PPARGC1A: variants seen among roughly 807,000 people sequenced by gnomAD.
PPARGC1A encodes peroxisome proliferator-activated receptor gamma coactivator 1-alpha.
A neutral mutation model predicts 88.7 loss-of-function variants in PPARGC1A; 25 were observed. The ratio of observed to expected loss-of-function variants is 0.28; its 90% CI spans 0.21 to 0.39. The LOEUF (loss-of-function observed/expected upper bound fraction) is 0.39, where lower values mean the gene tolerates loss of function less well. Among genes scored for constraint, PPARGC1A ranks in the 10% least tolerant of loss-of-function variants. The probability of loss-of-function intolerance (pLI) is 1.00; values close to 1 mark genes in which losing one functional copy is unlikely to be tolerated. For synonymous variants in PPARGC1A, 363 were observed against 355.6 expected, an observed-to-expected ratio of 1.02 and a Z score of -0.24; for missense variants, 880 against 968.7, an observed-to-expected ratio of 0.91 and a Z score of 1.22.
At chr4:24,423,609 T>C in the PPARGC1A span, among the ~76,000 whole-genome samples, 1 of 152,144 alleles carries the variant, frequency 6.6e-6, no homozygotes, top group Non-Finnish European at 1.5e-5. Flanking sequence ...ATATAAAAAG[T>C]TTGAGTTGAG....
intron 2 of PPARGC1A, among the ~76,000 whole-genome samples, chr4:23,879,364 G>A (rs1715457003): frequency 6.6e-6 from 1 of 152,144 alleles, no homozygotes; most frequent in Non-Finnish European, 1.5e-5. Context: ...TTTGTGGATT[G>A]GGTTAAATAT....
At chr4:23,947,707 A>G in the PPARGC1A span, among the ~76,000 whole-genome samples, 3 of 152,042 alleles carry the variant, frequency 2.0e-5, no homozygotes, top group Admixed American at 6.6e-5. Context: ...ATGCTTCTCC[A>G]TGCCCAACAC....
the PPARGC1A span, among the ~76,000 whole-genome samples, chr4:24,470,497 CG>C: frequency 3.3e-5 from 5 of 152,086 alleles, no homozygotes; most frequent in Non-Finnish European, 7.4e-5. This position sits in a 1 kb window ranked among gnomAD's most constrained non-coding sequence, Gnocchi z 5.8. Context: ...GCGCCGGCCA[CG>C]GGCAGCCGGG....
At chr4:24,248,222 T>C in the PPARGC1A span, among the ~76,000 whole-genome samples, 1 of 152,144 alleles carries the variant, frequency 6.6e-6, no homozygotes, top group Admixed American at 6.5e-5. Flanking sequence ...CCTCCCGGGT[T>C]CACGCCATTC....
the PPARGC1A span, among the ~76,000 whole-genome samples, chr4:24,168,624 CACAA>C: frequency 4.0e-5 from 6 of 148,756 alleles, no homozygotes; most frequent in African/African-American, 1.3e-4. Context: ...CACACACACA[CACAA>C]ACACACAGAC....
chr4:24,014,183 C>T, the PPARGC1A span, among the ~76,000 whole-genome samples: 1 of 152,114 alleles, frequency 6.6e-6, no homozygotes, highest in Non-Finnish European at 1.5e-5. Flanking sequence ...TAAAGCAATA[C>T]AAATAAAGCT....
At chr4:23,841,184 G>A (rs1040438523) in intron 2 of PPARGC1A, among the ~76,000 whole-genome samples, 3 of 152,054 alleles carry the variant, frequency 2.0e-5, no homozygotes, top group South Asian at 4.1e-4. Context: ...AGATGCTTTC[G>A]TGAAGAGATA....
At chr4:23,904,053 T>C (rs1431784620), upstream of PPARGC1A, 1 of 983,084 alleles carries the variant, frequency 1.0e-6, no homozygotes, top group Non-Finnish European at 1.2e-6. Flanking sequence ...TTTACTGCAG[T>C]GCAAATACTG....
the PPARGC1A span, among the ~76,000 whole-genome samples, chr4:24,089,889 C>A: frequency 6.6e-6 from 1 of 152,090 alleles, no homozygotes; most frequent in Non-Finnish European, 1.5e-5. Flanking sequence ...TGACAGGGGT[C>A]GATCAGCTGT....
At chr4:23,890,705 T>A (rs1717725025), upstream of PPARGC1A, among the ~76,000 whole-genome samples, 1 of 146,946 alleles carries the variant, frequency 6.8e-6, no homozygotes, top group East Asian at 2.1e-4. Context: ...GCTGCCCCCA[T>A]GGCAGTAGGG....
the PPARGC1A span, among the ~76,000 whole-genome samples, chr4:24,450,838 G>GT: frequency 6.6e-6 from 1 of 152,162 alleles, no homozygotes; most frequent in African/African-American, 2.4e-5. Flanking sequence ...CTTTATACAT[G>GT]TTTTCAAGGC....
chr4:23,910,153 A>G, the PPARGC1A span, among the ~76,000 whole-genome samples: 1 of 124,276 alleles, frequency 8.0e-6, no homozygotes, highest in African/African-American at 3.0e-5. Context: ...TATATTATAT[A>G]TAATATAAAT....
the PPARGC1A span, among the ~76,000 whole-genome samples, chr4:24,274,763 G>A: frequency 6.6e-6 from 1 of 152,102 alleles, no homozygotes; most frequent in African/African-American, 2.4e-5. Context: ...TTGCTACCCA[G>A]TTGCTCCCTT....
At chr4:23,910,341 TTA>T in the PPARGC1A span, among the ~76,000 whole-genome samples, 1 of 60,608 alleles carries the variant, frequency 1.6e-5, no homozygotes, top group Non-Finnish European at 2.7e-5. Context: ...ATTATATATA[TTA>T]TATATTATAT....
chr4:24,468,206 C>T, the PPARGC1A span, among the ~76,000 whole-genome samples: 1 of 152,058 alleles, frequency 6.6e-6, no homozygotes, highest in Non-Finnish European at 1.5e-5. Flanking sequence ...GACAGGAAGC[C>T]GAAACAACTA....
chr4:24,018,073 C>G, the PPARGC1A span, among the ~76,000 whole-genome samples: 6 of 152,094 alleles, frequency 3.9e-5, no homozygotes, highest in Admixed American at 2.6e-4. Flanking sequence ...GATAAATCTC[C>G]ATTTGTGAAA....
the PPARGC1A span, among the ~76,000 whole-genome samples, chr4:24,069,345 G>T: frequency 2.9e-3 from 444 of 152,276 alleles, 4 homozygotes; most frequent in African/African-American, 0.01. Flanking sequence ...TTGCACTCAA[G>T]AAATAATAAT....
chr4:24,417,161 T>C, the PPARGC1A span, among the ~76,000 whole-genome samples: 4 of 151,168 alleles, frequency 2.6e-5, no homozygotes, highest in Non-Finnish European at 4.4e-5. Flanking sequence ...GAAAGGAAGA[T>C]CAGAGAAGCA....
the PPARGC1A span, among the ~76,000 whole-genome samples, chr4:23,954,193 T>G: frequency 6.6e-6 from 1 of 152,032 alleles, no homozygotes; most frequent in African/African-American, 2.4e-5. Flanking sequence ...GAGATCTTCA[T>G]AGCAAATTCA....
Sources: allele counts gnomAD v4.1 joint callset (sites outside exome capture counted in the v4.1 genomes callset), GRCh38; gene constraint gnomAD v4.1.1; non-coding constraint Gnocchi (gnomAD v3.1); transcripts MANE v1.5; gene names NCBI Gene and HGNC (gene_info 2026-07-23, HGNC 2026-07-21).